MATCAP2: variants seen among roughly 807,000 people sequenced by gnomAD.
The protein encoded by MATCAP2 is putative tyrosine carboxypeptidase MATCAP2.
At chr7:36,375,241 G>A in the MATCAP2 span, among the ~76,000 whole-genome samples, 2 of 152,212 alleles carry the variant, frequency 1.3e-5, no homozygotes, top group Non-Finnish European at 2.9e-5. Context: ...TCTAACTGGT[G>A]TGAGATGCTA....
the MATCAP2 span, chr7:36,383,849 G>C: frequency 6.3e-7 from 1 of 1,581,748 alleles, no homozygotes; most frequent in African/African-American, 1.4e-5. Flanking sequence ...TGGCCCTTCA[G>C]CCAAATAACC....
chr7:36,335,255 T>C, the MATCAP2 span: 4 of 1,335,534 alleles, frequency 3.0e-6, no homozygotes, highest in South Asian at 2.5e-5. Context: ...CAGAAAACAA[T>C]GGGCCTGTAA....
the MATCAP2 span, among the ~76,000 whole-genome samples, chr7:36,362,236 T>C: frequency 2.6e-5 from 4 of 152,320 alleles, 1 homozygote; most frequent in South Asian, 8.3e-4. Flanking sequence ...CTATAGTATC[T>C]CTAAATTCAA....
At chr7:36,336,869 C>T in the MATCAP2 span, among the ~76,000 whole-genome samples, 18 of 151,526 alleles carry the variant, frequency 1.2e-4, no homozygotes, top group Non-Finnish European at 2.2e-4. Flanking sequence ...CTGAGGCAGG[C>T]GGATCACTTG....
chr7:36,330,794 T>C, the MATCAP2 span, among the ~76,000 whole-genome samples: 2 of 152,200 alleles, frequency 1.3e-5, no homozygotes, highest in East Asian at 3.8e-4. Context: ...TTATTGACCA[T>C]AAAGAAATTT....
the MATCAP2 span, among the ~76,000 whole-genome samples, chr7:36,371,568 A>G: frequency 6.6e-6 from 1 of 152,114 alleles, no homozygotes; most frequent in East Asian, 1.9e-4. Flanking sequence ...AAAGAAGATC[A>G]TTTTCTTTTT....
the MATCAP2 span, among the ~76,000 whole-genome samples, chr7:36,345,788 C>A: frequency 6.6e-6 from 1 of 152,036 alleles, no homozygotes; most frequent in Non-Finnish European, 1.5e-5. Context: ...CTTCATGACC[C>A]TGGATTAGGC....
chr7:36,337,895 T>A, the MATCAP2 span: 13 of 152,294 alleles, frequency 8.5e-5, no homozygotes, highest in African/African-American at 3.1e-4. Flanking sequence ...AAGTAGTCAA[T>A]ACATATTATC....
chr7:36,354,623 T>C, the MATCAP2 span, among the ~76,000 whole-genome samples: 2 of 152,210 alleles, frequency 1.3e-5, no homozygotes, highest in African/African-American at 2.4e-5. Context: ...GATGGATGTA[T>C]GATATCATGT....
chr7:36,353,340 T>C, the MATCAP2 span, among the ~76,000 whole-genome samples: 3 of 152,310 alleles, frequency 2.0e-5, no homozygotes, highest in African/African-American at 7.2e-5. Flanking sequence ...CAATTGTTAA[T>C]ATGTAATCTT....
chr7:36,326,651 G>A, the MATCAP2 span: 1 of 1,016,060 alleles, frequency 9.8e-7, no homozygotes, highest in Non-Finnish European at 1.4e-6. Context: ...CCCTTCTTCA[G>A]AAAACACAAG....
chr7:36,350,722 C>T, the MATCAP2 span, among the ~76,000 whole-genome samples: 2 of 151,770 alleles, frequency 1.3e-5, no homozygotes, highest in African/African-American at 2.4e-5. Context: ...TTGTATTTTT[C>T]GTAGAGACAG....
the MATCAP2 span, among the ~76,000 whole-genome samples, chr7:36,342,031 TTTG>T: frequency 6.6e-6 from 1 of 152,328 alleles, no homozygotes; most frequent in East Asian, 1.9e-4. Flanking sequence ...ACTTTCAACT[TTTG>T]TTTTTAGCAG....
chr7:36,389,778 G>C, the MATCAP2 span: 17 of 598,842 alleles, frequency 2.8e-5, no homozygotes, highest in Non-Finnish European at 4.1e-5. Context: ...GAGCGCAGGG[G>C]CGGGGAGAGG....
chr7:36,325,744 A>C, the MATCAP2 span: 1 of 152,216 alleles, frequency 6.6e-6, no homozygotes, highest in Non-Finnish European at 1.5e-5. Flanking sequence ...TCATTTTAAA[A>C]TTTAAACTAT....
chr7:36,325,363 G>A, the MATCAP2 span: 3 of 152,190 alleles, frequency 2.0e-5, no homozygotes, highest in African/African-American at 7.2e-5. Flanking sequence ...AGTATATCCT[G>A]TTTGCTGCAA....
At chr7:36,349,493 G>A in the MATCAP2 span, among the ~76,000 whole-genome samples, 3 of 152,088 alleles carry the variant, frequency 2.0e-5, no homozygotes, top group Admixed American at 6.6e-5. Flanking sequence ...GAATTAAGTT[G>A]TCACCTGTAA....
the MATCAP2 span, chr7:36,389,864 G>A: frequency 7.7e-7 from 1 of 1,292,616 alleles, no homozygotes; most frequent in Non-Finnish European, 1.1e-6. Context: ...CAGAGGCCGA[G>A]TCCGTCACTG....
chr7:36,380,433 C>T, the MATCAP2 span, among the ~76,000 whole-genome samples: 1 of 152,152 alleles, frequency 6.6e-6, no homozygotes, highest in African/African-American at 2.4e-5. Flanking sequence ...ATGGAATTGG[C>T]TCAATTTCTT....
Sources: gnomAD v4.1 joint callset for allele counts (sites outside exome capture counted in the v4.1 genomes callset) on GRCh38, gnomAD v4.1.1 for gene constraint, MANE v1.5 for transcripts, NCBI Gene and HGNC (gene_info 2026-07-23, HGNC 2026-07-21) for gene names.